Variants in PPARGC1B observed in about 807,000 individuals in gnomAD.
PPARGC1B encodes PPARG coactivator 1 beta.
PPARGC1B carries 34 observed loss-of-function variants against 101.6 expected under a neutral mutation model. That is an observed-to-expected ratio of 0.33 (90% CI 0.25 to 0.45). The LOEUF is 0.45. Among genes scored for constraint, PPARGC1B ranks in the 20% least tolerant of loss-of-function variants. The pLI is 1.00. For missense variants in PPARGC1B, 1,234 were observed against 1,317.6 expected (o/e 0.94, Z 0.98); for synonymous variants, 548 against 539.3 (o/e 1.02, Z -0.22).
chr5:149,816,043 C>T (rs1413492484), intron 1 of PPARGC1B, among the ~76,000 whole-genome samples: 1 of 151,872 alleles, frequency 6.6e-6, no homozygotes, highest in Non-Finnish European at 1.5e-5. Flanking sequence ...GTGGAAGCCT[C>T]CCGGGACAGG....
At chr5:149,836,212 C>T in intron 7 of PPARGC1B, 51 bp from the exon 8 acceptor site, 2 of 1,452,890 alleles carry the variant, frequency 1.4e-6, no homozygotes, top group Admixed American at 2.3e-5. Context: ...CTTAGTGTCC[C>T]TTGGAGAAGT....
chr5:149,804,921 C>G (rs1757543040), intron 1 of PPARGC1B, among the ~76,000 whole-genome samples: 1 of 152,216 alleles, frequency 6.6e-6, no homozygotes, highest in Non-Finnish European at 1.5e-5. Context: ...TCCAGCTGCA[C>G]TCGGCCCCTG....
At chr5:149,840,140 C>A in intron 9 of PPARGC1B, 24 bp downstream of exon 9, 1 of 1,601,020 alleles carries the variant, frequency 6.2e-7, no homozygotes. Context: ...GGGCCCAGAG[C>A]CTGGAGTGAA....
intron 2 of PPARGC1B, among the ~76,000 whole-genome samples, chr5:149,824,347 C>T (rs566171442): frequency 1.7e-4 from 26 of 152,256 alleles, no homozygotes; most frequent in Admixed American, 2.0e-4. Flanking sequence ...CTTAGCCTCC[C>T]GCCATTGTTC....
chr5:149,839,208 A>G (rs549884451), intron 8 of PPARGC1B, among the ~76,000 whole-genome samples: 1 of 152,284 alleles, frequency 6.6e-6, no homozygotes, highest in African/African-American at 2.4e-5. Flanking sequence ...AATCCTCACA[A>G]ATGGCCAAGG....
intron 1 of PPARGC1B, among the ~76,000 whole-genome samples, chr5:149,793,779 C>G (rs1233290288): frequency 6.6e-6 from 1 of 152,178 alleles, no homozygotes; most frequent in African/African-American, 2.4e-5. Context: ...ACCCTAAAAA[C>G]CAACGAGGAG....
At chr5:149,790,799 G>A (rs1756989817) in intron 1 of PPARGC1B, among the ~76,000 whole-genome samples, 1 of 152,014 alleles carries the variant, frequency 6.6e-6, no homozygotes, top group Admixed American at 6.5e-5. Flanking sequence ...CAGATTCCTG[G>A]GCCTCAGGAA....
At chr5:149,732,131 GA>G (rs1754516743) in intron 1 of PPARGC1B, among the ~76,000 whole-genome samples, 1 of 152,078 alleles carries the variant, frequency 6.6e-6, no homozygotes, top group Admixed American at 6.5e-5. Flanking sequence ...AACTGCGGTG[GA>G]GCTCCCGCCG....
intron 11 of PPARGC1B, chr5:149,847,084 CAA>C (rs879921257): frequency 1.2e-3 from 338 of 282,694 alleles, no homozygotes; most frequent in Middle Eastern, 2.5e-3. Context: ...GACTGCATCT[CAA>C]AAAAAAAAAA....
chr5:149,829,245 G>A (rs1036217040), intron 3 of PPARGC1B, among the ~76,000 whole-genome samples: 3 of 152,204 alleles, frequency 2.0e-5, no homozygotes, highest in African/African-American at 7.2e-5. Context: ...ATCCAGCCAT[G>A]TAGTCTCTCT....
At position 149,793,408 on chromosome 5, in the gene PPARGC1B, C is replaced by T. The variant is rs112250114; in HGVS notation, c.79-27025C>T. 3.5e-3 allele frequency among the ~76,000 whole-genome samples: 532 copies of T among 152,252 alleles called. 3 individuals are homozygous for T. The highest frequency in any genetic ancestry group is 0.012 in the African/African-American group (517 of 41,542). ...GCATCCTCTGTCTTCTGGAAAATCC[C>T]AGTGTGCTGTTTAAAAGAAGGCCCT... On this transcript the variant is annotated intron_variant, in intron 1 of 11. Coordinates refer to ENST00000309241, the MANE Select transcript of PPARGC1B (RefSeq NM_133263.4).
chr5:149,842,906 A>G (rs568385292), intron 10 of PPARGC1B, among the ~76,000 whole-genome samples: 1 of 152,220 alleles, frequency 6.6e-6, no homozygotes, highest in African/African-American at 2.4e-5. Flanking sequence ...GGCGGCTCAC[A>G]CTTGTAATCC....
intron 1 of PPARGC1B, among the ~76,000 whole-genome samples, chr5:149,806,843 G>A (rs538283172): frequency 2.7e-4 from 41 of 152,120 alleles, no homozygotes; most frequent in African/African-American, 9.4e-4. Context: ...CTGTCCTCAG[G>A]CCGTCCACCC....
At chr5:149,787,953 A>G (rs1265507057) in intron 1 of PPARGC1B, among the ~76,000 whole-genome samples, 1 of 152,244 alleles carries the variant, frequency 6.6e-6, no homozygotes, top group African/African-American at 2.4e-5. Context: ...TAAATGTTAG[A>G]CCTAAAAGCA....
intron 1 of PPARGC1B, among the ~76,000 whole-genome samples, chr5:149,819,565 C>T (rs910966666): frequency 2.6e-5 from 4 of 152,132 alleles, no homozygotes; most frequent in South Asian, 2.1e-4. Context: ...TGCAGTGGCT[C>T]GATCTCAGCT....
rs569290269 is a variant in PPARGC1B at position 149,808,669 on chromosome 5, G to GA, written c.79-11758dup. Among the ~76,000 whole-genome samples, 630 of 152,240 alleles carry GA rather than the reference G, an allele frequency of 4.1e-3. 1 individual carries two copies. Among genetic ancestry groups the GA allele is most frequent in the African/African-American group, 0.014 (575 of 41,520 alleles). ...CTTGGTCTTGTCTTGGGGCTGTGTGGAAAAAATGCACATGTTGCGCTCTCT... is the reference window on the plus strand; with the variant it reads ...CTTGGTCTTGTCTTGGGGCTGTGTGGAAAAAAATGCACATGTTGCGCTCTCT... On this transcript the variant is annotated intron_variant, in intron 1 of 11. Transcript: ENST00000309241.
chr5:149,817,234 C>T (rs373500760), intron 1 of PPARGC1B, among the ~76,000 whole-genome samples: 1 of 152,180 alleles, frequency 6.6e-6, no homozygotes, highest in East Asian at 1.9e-4. Flanking sequence ...GTGGCTGACA[C>T]CTGTAATCCC....
chr5:149,788,641 G>A (rs1424704232), intron 1 of PPARGC1B, among the ~76,000 whole-genome samples: 1 of 152,190 alleles, frequency 6.6e-6, no homozygotes, highest in African/African-American at 2.4e-5. Context: ...GTTTATTGCG[G>A]CACTATTCAC....
intron 1 of PPARGC1B, among the ~76,000 whole-genome samples, chr5:149,799,693 G>GTTGTTGTTGTTTTT (rs752427488): frequency 2.2e-4 from 17 of 76,484 alleles, no homozygotes; most frequent in African/African-American, 9.7e-4. Flanking sequence ...GCTTGTTGTT[G>GTTGTTGTTGTTTTT]TTTTTTTTTT....
Sources: gnomAD v4.1 joint callset for allele counts (sites outside exome capture counted in the v4.1 genomes callset) on GRCh38, gnomAD v4.1.1 for gene constraint, MANE v1.5 for transcripts, NCBI Gene and HGNC (gene_info 2026-07-23, HGNC 2026-07-21) for gene names.